The following CMC1 variants were observed in gnomAD, a reference collection of about 807,000 sequenced individuals.
CMC1 encodes C-X9-C motif containing 1.
CMC1 carries 14 observed loss-of-function variants against 14.1 expected under a neutral mutation model. That is an observed-to-expected ratio of 0.99 (90% CI 0.66 to 1.55). The LOEUF (loss-of-function observed/expected upper bound fraction) is 1.55. Among genes scored for constraint, CMC1 ranks in the 40% most tolerant of loss-of-function variants. The probability of loss-of-function intolerance (pLI) is 0.00; values close to 1 mark genes in which losing one functional copy is unlikely to be tolerated. For missense variants in CMC1, 127 were observed against 123.8 expected, an observed-to-expected ratio of 1.03 and a Z score of -0.12; for synonymous variants, 50 against 38.4, an observed-to-expected ratio of 1.30 and a Z score of -1.12.
At position 28,271,003 on chromosome 3, in the gene CMC1, A is replaced by G. The variant is rs180982988; in HGVS notation, c.109+7623A>G. On this transcript the variant is annotated intron_variant, in intron 2 of 3. Coordinates refer to ENST00000466830, the MANE Select transcript of CMC1 (RefSeq NM_182523.2). ...AATGGCACGGTCTTGGCTCACTGCAACCCTGCAACCTCTGCCTCCCAGGTT... is the reference window on the plus strand; with the variant it reads ...AATGGCACGGTCTTGGCTCACTGCAGCCCTGCAACCTCTGCCTCCCAGGTT... 2.6e-4 allele frequency among the ~76,000 whole-genome samples: 38 copies of G among 147,574 alleles called. No individual in the cohort carries two copies. In the East Asian group the frequency reaches 6.4e-3, roughly 25 times the overall value.
intron 2 of CMC1, 115 bp downstream of exon 2, chr3:28,263,495 C>T (rs1699839968): frequency 1.7e-6 from 1 of 599,066 alleles, no homozygotes; most frequent in Admixed American, 3.8e-5. Context: ...AATTGCTTCT[C>T]ACCCTTTCGC....
At chr3:28,255,923 G>A (rs1699381577) in intron 1 of CMC1, among the ~76,000 whole-genome samples, 1 of 151,976 alleles carries the variant, frequency 6.6e-6, no homozygotes, top group Non-Finnish European at 1.5e-5. Flanking sequence ...TGAAAATTAA[G>A]GCGAAATAGA....
chr3:28,253,844 A>G lies in CMC1; in HGVS notation c.20-9447A>G, dbSNP rs1699260631. ...AAATTAGTTAAATTAGAATGTTTTC[A>G]TTATTGAAAGGGCATAACTTGCCCT... On this transcript the variant is annotated intron_variant, in intron 1 of 3. Transcript: ENST00000466830. The G allele has an allele frequency of 7.1e-5, 46 of 651,966 alleles. 4 individuals carry two copies. Among genetic ancestry groups the G allele is most frequent in the South Asian group, 7.0e-4 (46 of 65,410 alleles). 40.4% of individuals were successfully genotyped at this position (651,966 alleles called of 1,614,324 possible).
chr3:28,304,270 T>C (rs1301816267), intron 2 of CMC1, among the ~76,000 whole-genome samples: 5 of 152,152 alleles, frequency 3.3e-5, no homozygotes, highest in Non-Finnish European at 7.4e-5. Flanking sequence ...TAAAAATTTT[T>C]AATGAGATAT....
chr3:28,275,952 C>G (rs1700569319), intron 2 of CMC1, among the ~76,000 whole-genome samples: 1 of 152,210 alleles, frequency 6.6e-6, no homozygotes, highest in African/African-American at 2.4e-5. Flanking sequence ...CCAAACCACC[C>G]AGTCTCCCTG....
intron 2 of CMC1, among the ~76,000 whole-genome samples, chr3:28,281,066 C>G (rs1406247279): frequency 6.6e-6 from 1 of 152,166 alleles, no homozygotes; most frequent in African/African-American, 2.4e-5. Flanking sequence ...GAAAACATTT[C>G]CTGACTCCTG....
intron 2 of CMC1, among the ~76,000 whole-genome samples, chr3:28,286,771 T>A (rs949129220): frequency 1.3e-5 from 2 of 152,186 alleles, no homozygotes; most frequent in East Asian, 3.9e-4. Context: ...AAGTAAAGAT[T>A]GAAGCTCAGT....
chr3:28,282,380 A>G (rs1276717349), intron 2 of CMC1, among the ~76,000 whole-genome samples: 1 of 152,208 alleles, frequency 6.6e-6, no homozygotes, highest in African/African-American at 2.4e-5. Flanking sequence ...CATTAACTGC[A>G]ATGTAGTCCT....
At chr3:28,260,669 C>T (rs544356081) in intron 1 of CMC1, among the ~76,000 whole-genome samples, 3 of 145,370 alleles carry the variant, frequency 2.1e-5, no homozygotes, top group Non-Finnish European at 4.7e-5. Context: ...TCTGGTTTCT[C>T]AAGGTAGAAA....
rs374573503 is a variant in CMC1 at position 28,320,894 on chromosome 3, A to G, written c.*1265A>G. ...GTTTCAAGATAAGTAAATTTTACGT[A>G]TATTTTCACAGTCCTCATTAAAATC... On this transcript the variant is annotated 3_prime_UTR_variant, in exon 4 of 4. Coordinates refer to ENST00000466830, the MANE Select transcript of CMC1 (RefSeq NM_182523.2). 2 of 151,410 alleles carry G rather than the reference A, an allele frequency of 1.3e-5. No homozygotes were observed. Among genetic ancestry groups the G allele is most frequent in the Non-Finnish European group, 3.0e-5 (2 of 67,618 alleles). The allele number at this position is 151,410 out of a possible 1,614,324, so 9.4% of individuals were successfully genotyped here.
chr3:28,287,673 T>C (rs1404546142), intron 2 of CMC1, among the ~76,000 whole-genome samples: 1 of 151,992 alleles, frequency 6.6e-6, no homozygotes, highest in Non-Finnish European at 1.5e-5. Flanking sequence ...CTATAAACTT[T>C]ACTCCTTTTA....
At chr3:28,283,548 A>C (rs76021641) in intron 2 of CMC1, among the ~76,000 whole-genome samples, 1,480 of 79,980 alleles carry the variant, frequency 0.019, 8 homozygotes, top group African/African-American at 0.037. Context: ...ACAACAACAA[A>C]AACAAAAAAA....
At position 28,324,269 on chromosome 3, in the gene CMC1, A is replaced by T; in HGVS notation, c.*4640A>T. Reference sequence around the variant, plus strand: ...ATGGATCTCTCATTGTCTGTCCATGATTGGAGGATTGCTTTCTCTGATAAA... The same window carrying T: ...ATGGATCTCTCATTGTCTGTCCATGTTTGGAGGATTGCTTTCTCTGATAAA... On this transcript the variant is annotated 3_prime_UTR_variant, in exon 4 of 4. Coordinates refer to ENST00000466830, the MANE Select transcript of CMC1 (RefSeq NM_182523.2). The T allele has an allele frequency of 6.2e-7, 1 of 1,609,226 alleles. No individual in the cohort carries two copies.
chr3:28,243,057 C>CT (rs148008864), intron 1 of CMC1, among the ~76,000 whole-genome samples: 85 of 148,984 alleles, frequency 5.7e-4, no homozygotes, highest in African/African-American at 1.7e-3. Flanking sequence ...TTTATGGTAT[C>CT]TTTTTTTTTT....
intron 2 of CMC1, among the ~76,000 whole-genome samples, chr3:28,272,000 T>A (rs1433200032): frequency 6.6e-6 from 1 of 152,146 alleles, no homozygotes; most frequent in Non-Finnish European, 1.5e-5. Context: ...GAATGGGAGT[T>A]CATTCATGAT....
chr3:28,247,686 G>C (rs1213995761), intron 1 of CMC1, among the ~76,000 whole-genome samples: 3 of 152,214 alleles, frequency 2.0e-5, no homozygotes, highest in African/African-American at 7.2e-5. Flanking sequence ...TAAGAGTTTT[G>C]ATAGTAGTGA....
intron 2 of CMC1, among the ~76,000 whole-genome samples, chr3:28,311,922 T>G (rs906892597): frequency 6.6e-6 from 1 of 152,174 alleles, no homozygotes; most frequent in Non-Finnish European, 1.5e-5. Flanking sequence ...CTTTTCTACA[T>G]TATGTTTAAA....
intron 2 of CMC1, among the ~76,000 whole-genome samples, chr3:28,282,726 T>C (rs991739537): frequency 2.6e-5 from 4 of 152,200 alleles, no homozygotes; most frequent in Non-Finnish European, 5.9e-5. Flanking sequence ...ACCTGTGTTA[T>C]TATCTTTAAA....
rs534689562 is a variant in CMC1 at position 28,258,554 on chromosome 3, TA to T, written c.20-4734del. 4.6e-5 allele frequency among the ~76,000 whole-genome samples: 7 copies of T among 151,242 alleles called. No individual in the cohort carries two copies. The South Asian group carries it at 1.5e-3, about 32-fold the overall frequency. ...TGTCGAAAATAATTTTATTTCTTCA[TA>T]AACTAGCCTTGGTGCATTTGCCAAT... is the stretch of plus-strand genomic sequence containing the variant. On this transcript the variant is annotated intron_variant, in intron 1 of 3. Coordinates refer to ENST00000466830, the MANE Select transcript of CMC1 (RefSeq NM_182523.2).
Sources: gnomAD v4.1 joint callset for allele counts (sites outside exome capture counted in the v4.1 genomes callset) on GRCh38, gnomAD v4.1.1 for gene constraint, MANE v1.5 for transcripts, NCBI Gene and HGNC (gene_info 2026-07-23, HGNC 2026-07-21) for gene names.